Variants in ADGRA3 observed in about 807,000 individuals in gnomAD.
The protein encoded by ADGRA3 is G-protein coupled receptor 125.
Under a neutral mutation model 119.8 loss-of-function variants are expected in ADGRA3, and 56 were observed. That is an observed-to-expected ratio of 0.47 (90% CI 0.38 to 0.58). The LOEUF (loss-of-function observed/expected upper bound fraction) is 0.58. ADGRA3 is among the 20% of genes least tolerant of loss of function. ADGRA3 has a pLI of 0.00. For missense variants in ADGRA3, 1,516 were observed against 1,649.0 expected (o/e 0.92, Z 1.40); for synonymous variants, 607 against 623.8 (o/e 0.97, Z 0.40).
At chr4:22,459,696 A>G (rs1055707924) in intron 3 of ADGRA3, among the ~76,000 whole-genome samples, 1 of 152,142 alleles carries the variant, frequency 6.6e-6, no homozygotes, top group South Asian at 2.1e-4. Flanking sequence ...AAAGAAGTAT[A>G]TAAGAACCCC....
chr4:22,387,552 G>T lies in ADGRA3; in HGVS notation c.*153C>A. On this transcript the variant is annotated 3_prime_UTR_variant, in exon 19 of 19. Coordinates refer to ENST00000334304, the MANE Select transcript of ADGRA3 (RefSeq NM_145290.4). ...GATCCTAAAAAATAGCAACAATTTG[G>T]GGATAAAAATAAGTAAAATCCAAAA... is the stretch of plus-strand genomic sequence containing the variant. 7.6e-6 allele frequency: 5 copies of T among 656,374 alleles called. No homozygotes were observed. Among genetic ancestry groups the T allele is most frequent in the South Asian group, 4.4e-5 (1 of 22,630 alleles). 40.7% of individuals were successfully genotyped at this position (656,374 alleles called of 1,614,324 possible).
chr4:22,440,177 G>A (rs1461559950), intron 7 of ADGRA3, among the ~76,000 whole-genome samples: 1 of 152,156 alleles, frequency 6.6e-6, no homozygotes, highest in African/African-American at 2.4e-5. Context: ...CTATAATGGA[G>A]TGTTTCTAGT....
At chr4:22,405,327 G>A (rs530277178) in intron 14 of ADGRA3, among the ~76,000 whole-genome samples, 1 of 152,140 alleles carries the variant, frequency 6.6e-6, no homozygotes, top group South Asian at 2.1e-4. Context: ...ATTGCTTGAG[G>A]CCAGGAGCTT....
At chr4:22,454,422 T>C (rs1717171695) in intron 4 of ADGRA3, among the ~76,000 whole-genome samples, 1 of 152,216 alleles carries the variant, frequency 6.6e-6, no homozygotes, top group South Asian at 2.1e-4. Context: ...GCCACCAGCC[T>C]TCCCCTTGAC....
chr4:22,501,689 A>C (rs1157839034), intron 1 of ADGRA3, among the ~76,000 whole-genome samples: 3 of 151,962 alleles, frequency 2.0e-5, no homozygotes, highest in Admixed American at 6.6e-5. Flanking sequence ...GGTCTAAACA[A>C]TTTCCCCTCT....
intron 2 of ADGRA3, among the ~76,000 whole-genome samples, chr4:22,463,745 TC>T (rs1176473396): frequency 6.6e-6 from 1 of 152,182 alleles, no homozygotes; most frequent in Non-Finnish European, 1.5e-5. Context: ...CTAGTTGGAT[TC>T]CCCAGAAATT....
intron 17 of ADGRA3, among the ~76,000 whole-genome samples, chr4:22,389,578 A>G (rs1425027662): frequency 6.6e-6 from 1 of 152,076 alleles, no homozygotes; most frequent in Non-Finnish European, 1.5e-5. Context: ...AGTTCACACA[A>G]GAAATGTAAT....
intron 10 of ADGRA3, among the ~76,000 whole-genome samples, chr4:22,427,825 C>T (rs4627850): frequency 0.64 from 97,892 of 152,092 alleles, 32,948 homozygotes; most frequent in Non-Finnish European, 0.74. Flanking sequence ...CCTCATTCCC[C>T]GAAGGCCACT....
At chr4:22,429,084 C>T (rs1282634666) in intron 10 of ADGRA3, among the ~76,000 whole-genome samples, 1 of 152,096 alleles carries the variant, frequency 6.6e-6, no homozygotes, top group Non-Finnish European at 1.5e-5. Context: ...AGGTCTCATG[C>T]TTGATCCTCA....
rs1228209490 is a variant in ADGRA3 at position 22,515,847 on chromosome 4, C to G, written c.-63G>C. On this transcript the variant is annotated 5_prime_UTR_variant, in exon 1 of 19. Coordinates refer to ENST00000334304, the MANE Select transcript of ADGRA3 (RefSeq NM_145290.4). ...CTGGCCTAGCGGGCCGCCCCGGAGC[C>G]CGGGCGGGCAGGAGCGCGGCGCGGG... 3.9e-5 allele frequency: 38 copies of G among 978,720 alleles called. No individual in the cohort carries two copies. The highest frequency in any genetic ancestry group is 4.5e-5 in the Non-Finnish European group (37 of 825,724). The allele number at this position is 978,720 out of a possible 1,614,324, so 60.6% of individuals were successfully genotyped here.
At chr4:22,431,839 T>C (rs1045765257) in intron 10 of ADGRA3, among the ~76,000 whole-genome samples, 2 of 152,220 alleles carry the variant, frequency 1.3e-5, no homozygotes, top group African/African-American at 4.8e-5. Flanking sequence ...TGTTTAATAT[T>C]AGAAATGTTT....
At chr4:22,439,798 C>A (rs1452001194) in intron 7 of ADGRA3, among the ~76,000 whole-genome samples, 1 of 152,022 alleles carries the variant, frequency 6.6e-6, no homozygotes, top group African/African-American at 2.4e-5. Flanking sequence ...TTCCTTAATC[C>A]AGAAGTTCCC....
At chr4:22,434,153 A>AT (rs1716300427) in intron 10 of ADGRA3, among the ~76,000 whole-genome samples, 2 of 147,348 alleles carry the variant, frequency 1.4e-5, no homozygotes, top group African/African-American at 5.0e-5. Context: ...TATCTATATT[A>AT]GATACATAAA....
chr4:22,515,277 G>A, intron 1 of ADGRA3: 1 of 325,640 alleles, frequency 3.1e-6, no homozygotes, highest in Non-Finnish European at 5.6e-6. Flanking sequence ...GGGACAGCGC[G>A]GGGAGCGCCT....
In ADGRA3 at chr4:22,413,586, A is replaced by C. The variant is rs1410958363; in HGVS notation, c.2023+15T>G. 2 of 1,605,340 alleles carry C rather than the reference A, an allele frequency of 1.2e-6. No homozygotes were observed. Among genetic ancestry groups the C allele is most frequent in the Non-Finnish European group, 1.7e-6 (2 of 1,172,268 alleles). On this transcript the variant is annotated intron_variant, in intron 13 of 18. Transcript: ENST00000334304. ...TTGTCCACTGACTACAGGATAACAT[A>C]TGCCACATACAAACCTATTTTGGTG...
intron 12 of ADGRA3, among the ~76,000 whole-genome samples, chr4:22,414,863 T>C (rs773410704): frequency 6.6e-6 from 1 of 152,168 alleles, no homozygotes; most frequent in Non-Finnish European, 1.5e-5. Context: ...GCTCCACTAT[T>C]CTTTCATCTC....
chr4:22,434,351 G>T (rs186523094), intron 10 of ADGRA3, among the ~76,000 whole-genome samples: 1 of 151,888 alleles, frequency 6.6e-6, no homozygotes, highest in Non-Finnish European at 1.5e-5. Flanking sequence ...AAAGAAATAC[G>T]CAGGTTTTGT....
chr4:22,475,084 G>A (rs1049982327), intron 1 of ADGRA3, among the ~76,000 whole-genome samples: 2 of 152,134 alleles, frequency 1.3e-5, no homozygotes, highest in Non-Finnish European at 2.9e-5. Context: ...ACATATCAGA[G>A]CCTTTTCTTT....
Position 22,425,071 on chromosome 4 carries a change from T to A in ADGRA3, c.1444-719A>T, listed in dbSNP as rs1468754977. ...GCCTGGACAACAGAGTGAGACACTC[T>A]TAAAAAAAAAAAAAAAAAGGCAGGC... On this transcript the variant is annotated intron_variant, in intron 10 of 18. Coordinates refer to ENST00000334304, the MANE Select transcript of ADGRA3 (RefSeq NM_145290.4). Among the ~76,000 whole-genome samples, 11 of 148,624 alleles carry A rather than the reference T, an allele frequency of 7.4e-5. No homozygotes were observed. In the South Asian group the frequency reaches 2.1e-3, roughly 29 times the overall value.
Sources: gnomAD v4.1 joint callset for allele counts (sites outside exome capture counted in the v4.1 genomes callset) on GRCh38, gnomAD v4.1.1 for gene constraint, MANE v1.5 for transcripts, NCBI Gene and HGNC (gene_info 2026-07-23, HGNC 2026-07-21) for gene names.